P4HA3: variants seen among roughly 807,000 people sequenced by gnomAD.
The protein encoded by P4HA3 is prolyl 4-hydroxylase subunit alpha 3.
P4HA3 carries 60 observed loss-of-function variants against 66.7 expected under a neutral mutation model. That is an observed-to-expected ratio of 0.90 (90% CI 0.73 to 1.12). The LOEUF (loss-of-function observed/expected upper bound fraction) is 1.12. Among genes scored for constraint, P4HA3 ranks in the 50% most tolerant of loss-of-function variants. The pLI, the probability that P4HA3 is intolerant of heterozygous loss-of-function variation, is 0.00. For missense variants in P4HA3, 683 were observed against 685.8 expected (o/e 1.00, Z 0.05); for synonymous variants, 263 against 274.6 (o/e 0.96, Z 0.42).
intron 7 of P4HA3, among the ~76,000 whole-genome samples, chr11:74,280,313 C>A (rs1860548784): frequency 6.6e-6 from 1 of 151,864 alleles, no homozygotes; most frequent in Admixed American, 6.6e-5. Flanking sequence ...GCCACCAAAC[C>A]TGGCTAATTT....
At chr11:74,274,461 A>G (rs903870124) in intron 9 of P4HA3, among the ~76,000 whole-genome samples, 1 of 149,816 alleles carries the variant, frequency 6.7e-6, no homozygotes, top group African/African-American at 2.5e-5. Context: ...GCCTGCCACC[A>G]TGCCCAGCTA....
rs1043340665 is a variant in P4HA3, at chr11:74,304,155, A to G, written c.343+115T>C. ...CTAGCTAGAGCTAAGGATATTAAGT[A>G]ATACCCACCTACTCCATTACCCTTT... On this transcript the variant is annotated intron_variant, in intron 2 of 12. Transcript: ENST00000331597. 57 of 1,334,008 alleles carry G rather than the reference A, an allele frequency of 4.3e-5. No individual in the cohort carries two copies. In the East Asian group the frequency reaches 1.1e-3, roughly 25 times the overall value. 82.6% of individuals were successfully genotyped at this position (1,334,008 alleles called of 1,614,324 possible). A position where few individuals can be genotyped will look rare whatever the true frequency, so the allele number is the denominator to read the frequency against.
intron 7 of P4HA3, among the ~76,000 whole-genome samples, chr11:74,279,845 G>A (rs2134748288): frequency 6.6e-6 from 1 of 152,186 alleles, no homozygotes; most frequent in East Asian, 1.9e-4. Context: ...CCTATGGTAA[G>A]CACTTCGTAA....
At chr11:74,279,249 A>G in intron 8 of P4HA3, 139 bp downstream of exon 8, 6 of 779,302 alleles carry the variant, frequency 7.7e-6, no homozygotes, top group Non-Finnish European at 1.1e-5. Context: ...CACCCTCTTA[A>G]AAAGAATGTA....
chr11:74,267,153 G>A lies in P4HA3; in HGVS notation c.*95C>T, dbSNP rs1369041483. 3 of 1,587,138 alleles carry A rather than the reference G, an allele frequency of 1.9e-6. No individual in the cohort carries two copies. The highest frequency in any genetic ancestry group is 2.3e-5 in the South Asian group (2 of 88,056). On this transcript the variant is annotated 3_prime_UTR_variant, in exon 13 of 13. Coordinates refer to ENST00000331597, the MANE Select transcript of P4HA3 (RefSeq NM_182904.5). ...CAAAGCTGACAAGGCCTTCTTCCAG[G>A]AGGCTGCTCTGCTTTCTCCTCTCCT... is the stretch of plus-strand genomic sequence containing the variant.
rs147203342 is a variant in P4HA3 at position 74,289,117 on chromosome 11, G to A, written c.731C>T (p.Ser244Leu). 8.9e-6 allele frequency: 14 copies of A among 1,567,192 alleles called. No individual in the cohort carries two copies. The highest frequency in any genetic ancestry group is 6.9e-5 in the East Asian group (3 of 43,384). Residue 244 changes from serine to leucine, a missense_variant, in exon 5 of 13, where the codon TCG (serine) becomes TTG (leucine). Ser to Leu is a moderately radical substitution (Grantham distance 145, BLOSUM62 -2). Transcript: ENST00000331597. ...AFAYFRAGNV[S>L]CALSLSREFL... ...CTCCCGAGAGAGGCTGAGGGCACAC[G>A]AAACATTTCCTGCCTGTTAAAAAAA...
In P4HA3 at chr11:74,298,290, T is replaced by G. The variant is rs758628000; in HGVS notation, c.639A>C (p.Gly213=). The change falls in exon 4 of 13, where the codon GGA becomes GGC. Residue 213 remains glycine (G), a synonymous_variant. Transcript: ENST00000331597. ...WLEEAVSLFR[G]SYGEWKTEDE... Reference sequence around the variant, plus strand: ...CCTCTGTCTTCCACTCTCCGTAAGATCCTCGGAAGAGACTGACAGCCTCCT... The same window carrying G: ...CCTCTGTCTTCCACTCTCCGTAAGAGCCTCGGAAGAGACTGACAGCCTCCT... 6.2e-7 allele frequency: 1 copy of G among 1,614,068 alleles called. No homozygotes were observed. Among genetic ancestry groups the G allele is most frequent in the African/African-American group, 1.3e-5 (1 of 75,034 alleles).
At position 74,298,322 on chromosome 11, in the gene P4HA3, A is replaced by G. The variant is rs770274675; in HGVS notation, c.607T>C (p.Trp203Arg). ...AAGAGACTGACAGCCTCCTCCAGCC[A>G]TGGAATGGCATGGTAATAATCCCCC... Reference protein sequence around the residue: ...DMGDYYHAIPWLEEAVSLFRG... With the variant: ...DMGDYYHAIPRLEEAVSLFRG... The change falls in exon 4 of 13, where the codon TGG (tryptophan) becomes CGG (arginine). Residue 203 changes from tryptophan (W) to arginine (R), a missense_variant. Transcript: ENST00000331597. 2.5e-6 allele frequency: 4 copies of G among 1,613,858 alleles called. No individual in the cohort carries two copies. Among genetic ancestry groups the G allele is most frequent in the Non-Finnish European group, 3.4e-6 (4 of 1,179,956 alleles).
chr11:74,276,908 C>T, intron 9 of P4HA3, 77 bp downstream of exon 9: 1 of 1,414,312 alleles, frequency 7.1e-7, no homozygotes, highest in Middle Eastern at 2.3e-4. Context: ...TGAGAGCCTA[C>T]AAGAGCTCTG....
chr11:74,282,172 T>A (rs1270648141), intron 7 of P4HA3, among the ~76,000 whole-genome samples: 3 of 150,924 alleles, frequency 2.0e-5, no homozygotes, highest in Non-Finnish European at 3.0e-5. Flanking sequence ...ATCCCCCCCA[T>A]CCCAAATTAA....
At chr11:74,292,741 T>A (rs946039076) in intron 4 of P4HA3, among the ~76,000 whole-genome samples, 5 of 152,224 alleles carry the variant, frequency 3.3e-5, no homozygotes, top group Non-Finnish European at 7.3e-5. Flanking sequence ...TCAGTTTCCA[T>A]GTAGTTGAGC....
At chr11:74,283,653 C>T (rs185138284) in intron 7 of P4HA3, among the ~76,000 whole-genome samples, 4 of 152,330 alleles carry the variant, frequency 2.6e-5, no homozygotes, top group Admixed American at 6.5e-5. Flanking sequence ...TATCACCTCT[C>T]GCCCCCATCC....
chr11:74,304,183 A>G, intron 2 of P4HA3, 87 bp downstream of exon 2: 1 of 1,519,908 alleles, frequency 6.6e-7, no homozygotes, highest in South Asian at 1.2e-5. Context: ...TACCCTTTGA[A>G]ATCACATCCC....
Position 74,302,402 on chromosome 11 carries a change from A to G in P4HA3, c.534T>C (p.Ser178=). 1.2e-6 allele frequency: 2 copies of G among 1,613,858 alleles called. No homozygotes were observed. Among genetic ancestry groups the G allele is most frequent in the Non-Finnish European group, 8.5e-7 (1 of 1,179,988 alleles). Residue 178 remains serine (S), a synonymous_variant, in exon 3 of 13, where the codon TCT becomes TCC. Coordinates refer to ENST00000331597, the MANE Select transcript of P4HA3 (RefSeq NM_182904.5). ...TDLYSPKRLF[S]LTGDDCFQVG... ...CTTGGAAGCAGTCATCCCCTGTGAG[A>G]GAAAAGAGCCGTTTGGGGCTGTACA...
At chr11:74,268,279 C>T in intron 11 of P4HA3, 38 bp from the exon 12 acceptor site, 1 of 1,536,758 alleles carries the variant, frequency 6.5e-7, no homozygotes, top group Non-Finnish European at 9.0e-7. Flanking sequence ...AGGGTCAGCC[C>T]AGAACCTCAG....
intron 10 of P4HA3, 33 bp downstream of exon 10, chr11:74,273,512 G>C (rs370673419): frequency 3.4e-6 from 5 of 1,451,090 alleles, no homozygotes; most frequent in Non-Finnish European, 4.6e-6. Context: ...GCTATAGTCA[G>C]TCATGAAGTA....
intron 12 of P4HA3, among the ~76,000 whole-genome samples, chr11:74,267,907 C>G (rs1860044455): frequency 6.6e-6 from 1 of 152,192 alleles, no homozygotes. Flanking sequence ...GGAATCAAGG[C>G]CTATCTGGTC....
chr11:74,303,501 G>A (rs1861481247), intron 2 of P4HA3, among the ~76,000 whole-genome samples: 1 of 151,506 alleles, frequency 6.6e-6, no homozygotes, highest in African/African-American at 2.4e-5. Context: ...GGCTAGTCTC[G>A]AACTCCTGAG....
intron 1 of P4HA3, among the ~76,000 whole-genome samples, chr11:74,306,766 G>A (rs1861592109): frequency 6.6e-6 from 1 of 152,190 alleles, no homozygotes; most frequent in South Asian, 2.1e-4. Context: ...AGGCTTCCAA[G>A]GAGCCAAATG....
Sources: allele counts gnomAD v4.1 joint callset (sites outside exome capture counted in the v4.1 genomes callset), GRCh38; gene constraint gnomAD v4.1.1; transcripts MANE v1.5; gene names NCBI Gene and HGNC (gene_info 2026-07-23, HGNC 2026-07-21).